ATP9A: variants seen among roughly 807,000 people sequenced by gnomAD.
ATP9A encodes ATPase phospholipid transporting 9A.
A neutral mutation model predicts 144.1 loss-of-function variants in ATP9A; 52 were observed. That is an observed-to-expected ratio of 0.36 (90% CI 0.29 to 0.45). The LOEUF (loss-of-function observed/expected upper bound fraction) is 0.45, where lower values mean the gene tolerates loss of function less well. Among genes scored for constraint, ATP9A ranks in the 20% least tolerant of loss-of-function variants. ATP9A has a pLI of 1.00. For missense variants in ATP9A, 947 were observed against 1,392.7 expected, an observed-to-expected ratio of 0.68 and a Z score of 5.09; for synonymous variants, 582 against 557.4, an observed-to-expected ratio of 1.04 and a Z score of -0.62.
chr20:51,718,837 A>AAAC (rs1258173036), intron 3 of ATP9A, among the ~76,000 whole-genome samples: 10 of 110,970 alleles, frequency 9.0e-5, no homozygotes, highest in African/African-American at 2.8e-4. Flanking sequence ...AAAAAAAAAA[A>AAAC]AAAAAAAACA....
intron 4 of ATP9A, among the ~76,000 whole-genome samples, chr20:51,707,686 C>T (rs906063446): frequency 1.3e-5 from 2 of 152,188 alleles, no homozygotes; most frequent in Non-Finnish European, 2.9e-5. Context: ...AGAAAAGGGA[C>T]ATTCCTTATG....
At chr20:51,616,660 G>A (rs1434698069) in intron 22 of ATP9A, among the ~76,000 whole-genome samples, 1 of 152,138 alleles carries the variant, frequency 6.6e-6, no homozygotes, top group African/African-American at 2.4e-5. Context: ...CCATCTTCTT[G>A]CCTCTTGTCA....
Position 51,601,207 on chromosome 20 carries a change from C to T in ATP9A, c.*4G>A, listed in dbSNP as rs766600249. 1.0e-5 allele frequency: 16 copies of T among 1,597,452 alleles called. No individual in the cohort carries two copies. The highest frequency in any genetic ancestry group is 4.5e-5 in the East Asian group (2 of 44,420). On this transcript the variant is annotated 3_prime_UTR_variant, in exon 28 of 28. Transcript: ENST00000338821. ...ACCAGGGCCCCCTCCAGCGAACGCA[C>T]GGCCTATGATGTGAGCTTTGAGTAG...
chr20:51,637,169 C>G (rs1028639119), intron 15 of ATP9A, among the ~76,000 whole-genome samples: 6 of 151,906 alleles, frequency 3.9e-5, no homozygotes, highest in Non-Finnish European at 7.4e-5. Flanking sequence ...ACCATTTCTA[C>G]TACTATCCCA....
chr20:51,656,055 T>A (rs1261152917), intron 14 of ATP9A, among the ~76,000 whole-genome samples: 1 of 152,088 alleles, frequency 6.6e-6, no homozygotes, highest in African/African-American at 2.4e-5. Flanking sequence ...TGGTTCCAGA[T>A]GTTTGGAGTG....
intron 9 of ATP9A, among the ~76,000 whole-genome samples, chr20:51,684,902 T>C (rs916903828): frequency 4.7e-5 from 7 of 150,120 alleles, no homozygotes; most frequent in African/African-American, 1.7e-4. Flanking sequence ...TCCCGGCTAC[T>C]AGGGAGGCTG....
intron 21 of ATP9A, 57 bp from the exon 22 acceptor site, chr20:51,617,611 T>C (rs371287165): frequency 7.6e-6 from 12 of 1,575,624 alleles, no homozygotes; most frequent in Non-Finnish European, 8.6e-6. Context: ...TAACCAAGAA[T>C]GTATGCTTGT....
chr20:51,611,079 A>T lies in ATP9A; in HGVS notation c.2572-914T>A, dbSNP rs2077183297. Among the ~76,000 whole-genome samples the T allele has an allele frequency of 6.6e-6, 1 of 152,206 alleles. No individual in the cohort carries two copies. Among genetic ancestry groups the T allele is most frequent in the Admixed American group, 6.5e-5 (1 of 15,284 alleles). ...CTGATATCCATTCATATAAAGCTGA[A>T]GGAAGGCCAGAGACAAATGCTGCCT... On this transcript the variant is annotated intron_variant, in intron 23 of 27. Coordinates refer to ENST00000338821, the MANE Select transcript of ATP9A (RefSeq NM_006045.3). The surrounding 1 kb of genome is among the most constrained non-coding windows in gnomAD (Gnocchi z 4.2).
chr20:51,665,876 G>T (rs865897802), intron 13 of ATP9A, among the ~76,000 whole-genome samples: 1 of 152,158 alleles, frequency 6.6e-6, no homozygotes, highest in Admixed American at 6.5e-5. Context: ...TTTCCTGCAG[G>T]AATCTTTTAA....
chr20:51,666,743 G>C (rs967116091), intron 13 of ATP9A, among the ~76,000 whole-genome samples: 1 of 151,656 alleles, frequency 6.6e-6, no homozygotes, highest in African/African-American at 2.4e-5. Context: ...AACCCCTTAC[G>C]AAGCTCTAAG....
At chr20:51,694,245 C>A (rs1234241510) in intron 6 of ATP9A, 143 bp from the exon 7 acceptor site, 6 of 599,292 alleles carry the variant, frequency 1.0e-5, no homozygotes, top group Non-Finnish European at 1.5e-5. Context: ...CTATCTCCTA[C>A]TTCTTCCATA....
At chr20:51,678,396 A>G (rs372599277) in intron 9 of ATP9A, among the ~76,000 whole-genome samples, 1 of 152,146 alleles carries the variant, frequency 6.6e-6, no homozygotes, top group East Asian at 1.9e-4. Flanking sequence ...CCCGCCCCCA[A>G]ATGCACTGAA....
chr20:51,690,773 A>G lies in ATP9A; in HGVS notation c.689T>C (p.Ile230Thr), dbSNP rs1467478872. 4 of 1,614,196 alleles carry G rather than the reference A, an allele frequency of 2.5e-6. No individual in the cohort carries two copies. Among genetic ancestry groups the G allele is most frequent in the Admixed American group, 3.3e-5 (2 of 60,020 alleles). The change falls in exon 8 of 28, where the codon ATT (isoleucine) becomes ACT (threonine). Residue 230 changes from isoleucine to threonine, a missense_variant. Around this residue, in one of 2 missense-constraint regions of ATP9A, gnomAD observed 770 missense variants for 1,047.9 expected, o/e 0.73. Coordinates refer to ENST00000338821, the MANE Select transcript of ATP9A (RefSeq NM_006045.3). Reference sequence around the variant, plus strand: ...AGTTCCCACGAAGTTGTGAATGTCAATATTTGGCTCTTCTGCGTACACATA... The same window carrying G: ...AGTTCCCACGAAGTTGTGAATGTCAGTATTTGGCTCTTCTGCGTACACATA... ...RSYVYAEEPNIDIHNFVGTFT... is the reference protein window; with the variant it reads ...RSYVYAEEPNTDIHNFVGTFT...
rs1165713863 is a variant in ATP9A, at chr20:51,652,982, T to C, written c.1506+3956A>G. ...AAAAATAGCCGGGCGTGGCAGCGTG[T>C]GCCTGTAGTCCCAGCTGCTGGGGAG... On this transcript the variant is annotated intron_variant, in intron 14 of 27. Coordinates refer to ENST00000338821, the MANE Select transcript of ATP9A (RefSeq NM_006045.3). Among the ~76,000 whole-genome samples, 3 of 151,780 alleles carry C rather than the reference T, an allele frequency of 2.0e-5. No individual in the cohort carries two copies. The East Asian group carries it at 5.8e-4, about 29-fold the overall frequency.
chr20:51,663,795 G>GGA (rs766829431), intron 13 of ATP9A, among the ~76,000 whole-genome samples: 3 of 114,894 alleles, frequency 2.6e-5, no homozygotes, highest in South Asian at 2.9e-4. Flanking sequence ...CTCCGTCTCA[G>GGA]AAAAAAAAAA....
In ATP9A at chr20:51,674,141, T is replaced by C. The variant is rs763442695; in HGVS notation, c.1037+12A>G. The stretch of plus-strand genomic sequence containing the variant: ...GTCACGGCAGCCAAACTCAAGCTCG[T>C]CGCCTGCTTACCTAATGGGGATGAT... On this transcript the variant is annotated intron_variant, in intron 11 of 27. Transcript: ENST00000338821. 1.2e-5 allele frequency: 19 copies of C among 1,612,822 alleles called. No homozygotes were observed. In the South Asian group the frequency reaches 2.1e-4, roughly 18 times the overall value.
At chr20:51,751,032 AGCCAT>A (rs1342346219) in intron 1 of ATP9A, among the ~76,000 whole-genome samples, 1 of 152,128 alleles carries the variant, frequency 6.6e-6, no homozygotes, top group Non-Finnish European at 1.5e-5. Context: ...CCTTCCTTGC[AGCCAT>A]GGGTCACGCG....
At chr20:51,756,220 T>G (rs948602261) in intron 1 of ATP9A, among the ~76,000 whole-genome samples, 2 of 151,732 alleles carry the variant, frequency 1.3e-5, no homozygotes, top group Non-Finnish European at 1.5e-5. Flanking sequence ...CTCCTTGGCT[T>G]GCAGACAGCC....
intron 13 of ATP9A, among the ~76,000 whole-genome samples, chr20:51,668,983 T>G (rs1269058233): frequency 6.6e-6 from 1 of 152,220 alleles, no homozygotes; most frequent in Non-Finnish European, 1.5e-5. Flanking sequence ...TCATATTTCT[T>G]ACTGGTCTTC....
Sources: gnomAD v4.1 joint callset for allele counts (sites outside exome capture counted in the v4.1 genomes callset) on GRCh38, gnomAD v4.1.1 for gene constraint, gnomAD v4.1.1 regional missense constraint, Gnocchi (gnomAD v3.1) non-coding constraint, MANE v1.5 for transcripts, NCBI Gene and HGNC (gene_info 2026-07-23, HGNC 2026-07-21) for gene names.